Variants in GAB2 observed in about 807,000 individuals in gnomAD.
GAB2 encodes the protein GRB2 associated binding protein 2.
In GAB2, 26 loss-of-function variants were observed where a neutral mutation model predicts 65.5. That is an observed-to-expected ratio of 0.40 (90% CI 0.29 to 0.55). The LOEUF is 0.55. Ranked by LOEUF, GAB2 falls within the 20% of genes least tolerant of loss-of-function variation. The pLI, the probability that GAB2 is intolerant of heterozygous loss-of-function variation, is 0.53. For synonymous variants in GAB2, 321 were observed against 329.6 expected, an observed-to-expected ratio of 0.97 and a Z score of 0.28; for missense variants, 884 against 875.8, an observed-to-expected ratio of 1.01 and a Z score of -0.12.
chr11:78,400,088 G>T (rs900350723), intron 1 of GAB2, among the ~76,000 whole-genome samples: 4 of 152,060 alleles, frequency 2.6e-5, no homozygotes, highest in Admixed American at 6.6e-5. Flanking sequence ...GCATTTACTG[G>T]GAATTATAAA....
intron 1 of GAB2, among the ~76,000 whole-genome samples, chr11:78,375,058 C>A (rs73501000): frequency 0.025 from 3,741 of 152,224 alleles, 123 homozygotes; most frequent in African/African-American, 0.078. Context: ...TTTGTATTTT[C>A]TTTAGAGGCA....
intron 2 of GAB2, among the ~76,000 whole-genome samples, chr11:78,256,631 A>G (rs1865603787): frequency 6.6e-6 from 1 of 152,036 alleles, no homozygotes; most frequent in African/African-American, 2.4e-5. Flanking sequence ...GTGGTCGCTG[A>G]GCTTTAATTC....
intron 2 of GAB2, among the ~76,000 whole-genome samples, chr11:78,250,987 AC>A (rs1303874476): frequency 6.6e-6 from 1 of 152,112 alleles, no homozygotes; most frequent in Non-Finnish European, 1.5e-5. Context: ...GGATTGAACA[AC>A]TACCTATGGG....
intron 2 of GAB2, among the ~76,000 whole-genome samples, chr11:78,260,288 C>T (rs1321132624): frequency 6.6e-6 from 1 of 152,158 alleles, no homozygotes; most frequent in African/African-American, 2.4e-5. Flanking sequence ...TACGATCTCA[C>T]AGTATACATT....
At chr11:78,286,045 G>A (rs1010934158) in intron 1 of GAB2, among the ~76,000 whole-genome samples, 5 of 151,584 alleles carry the variant, frequency 3.3e-5, no homozygotes, top group African/African-American at 1.2e-4. Context: ...TTCCTCCATC[G>A]CTCTTTCCCT....
Position 78,250,407 on chromosome 11 carries a change from A to G in GAB2, c.377-7T>C, listed in dbSNP as rs774425728. On this transcript the variant is annotated splice_polypyrimidine_tract_variant and splice_region_variant and intron_variant, in intron 2 of 9. Coordinates refer to ENST00000361507, the MANE Select transcript of GAB2 (RefSeq NM_080491.3). ...GAAACATTTCTCAGGGAGTCTGAAA[A>G]GGAGAAATAGCTCTGTGAATGAAAA... 4 of 1,611,456 alleles carry G rather than the reference A, an allele frequency of 2.5e-6. No homozygotes were observed. Among genetic ancestry groups the G allele is most frequent in the Non-Finnish European group, 3.4e-6 (4 of 1,177,666 alleles).
Position 78,393,507 on chromosome 11 carries a change from T to C in GAB2, c.75+24139A>G, listed in dbSNP as rs1277079373. ...ATTATCAAGTATTAAAAAATTAAAATGTCTAATATCAAAGAAGAATCAGGG... is the reference window on the plus strand; with the variant it reads ...ATTATCAAGTATTAAAAAATTAAAACGTCTAATATCAAAGAAGAATCAGGG... On this transcript the variant is annotated intron_variant, in intron 1 of 9. Transcript: ENST00000361507. Among the ~76,000 whole-genome samples the C allele has an allele frequency of 2.0e-5, 3 of 152,198 alleles. No homozygotes were observed. In the East Asian group the frequency reaches 5.8e-4, roughly 29 times the overall value.
chr11:78,412,384 G>C (rs1166609107), intron 1 of GAB2, among the ~76,000 whole-genome samples: 2 of 152,110 alleles, frequency 1.3e-5, no homozygotes, highest in Non-Finnish European at 2.9e-5. Context: ...AATCTCCAGA[G>C]AATTATGCTG....
At chr11:78,356,533 T>A (rs1856361642) in intron 1 of GAB2, among the ~76,000 whole-genome samples, 1 of 152,236 alleles carries the variant, frequency 6.6e-6, no homozygotes. Context: ...TCAAATTATG[T>A]TCTTTCTGGT....
intron 1 of GAB2, among the ~76,000 whole-genome samples, chr11:78,303,260 C>T (rs1370758109): frequency 6.6e-6 from 1 of 152,000 alleles, no homozygotes; most frequent in Admixed American, 6.6e-5. Flanking sequence ...CTTTGCCTAC[C>T]CCAAGGTCAA....
At chr11:78,396,857 A>G (rs1009177653) in intron 1 of GAB2, among the ~76,000 whole-genome samples, 1 of 152,216 alleles carries the variant, frequency 6.6e-6, no homozygotes, top group Non-Finnish European at 1.5e-5. Flanking sequence ...TCAGCCTCCC[A>G]AAGTGCTGAG....
At chr11:78,254,074 T>C (rs1313850375) in intron 2 of GAB2, among the ~76,000 whole-genome samples, 1 of 152,188 alleles carries the variant, frequency 6.6e-6, no homozygotes, top group African/African-American at 2.4e-5. Context: ...TGTGACTCAG[T>C]CTATTTAGCT....
chr11:78,410,752 A>T (rs775208801), intron 1 of GAB2, among the ~76,000 whole-genome samples: 2 of 152,212 alleles, frequency 1.3e-5, no homozygotes, highest in Non-Finnish European at 2.9e-5. Context: ...AAGAAATTGG[A>T]TTAAAAATGT....
At chr11:78,401,801 C>G (rs1856977092) in intron 1 of GAB2, among the ~76,000 whole-genome samples, 1 of 151,994 alleles carries the variant, frequency 6.6e-6, no homozygotes, top group African/African-American at 2.4e-5. Context: ...AGTTCTGATC[C>G]AATGTGAATG....
In GAB2 at chr11:78,215,489, G is replaced by GTGAT. The variant is rs1220339283; in HGVS notation, c.*3779_*3782dup. The GTGAT allele has an allele frequency of 3.3e-5, 5 of 152,622 alleles. No homozygotes were observed. Among genetic ancestry groups the GTGAT allele is most frequent in the East Asian group, 1.9e-4 (1 of 5,198 alleles). 9.5% of individuals were successfully genotyped at this position (152,622 alleles called of 1,614,324 possible). On this transcript the variant is annotated 3_prime_UTR_variant, in exon 10 of 10. Transcript: ENST00000361507. The stretch of plus-strand genomic sequence containing the variant: ...ACAACAGAATAAATTAATAACTTAA[G>GTGAT]TGATTAGGCACCAACAGTGATTTGA...
At chr11:78,233,469 G>A (rs1468977624) in intron 3 of GAB2, among the ~76,000 whole-genome samples, 3 of 151,888 alleles carry the variant, frequency 2.0e-5, no homozygotes, top group Non-Finnish European at 4.4e-5. Flanking sequence ...TTTTGTTGAA[G>A]AATCTATTCA....
intron 1 of GAB2, among the ~76,000 whole-genome samples, chr11:78,299,301 A>AC (rs1866926819): frequency 5.3e-5 from 8 of 152,324 alleles, no homozygotes; most frequent in African/African-American, 1.7e-4. Flanking sequence ...CCTCATCTAT[A>AC]ACGTACAAGT....
chr11:78,392,381 A>T (rs1406086628), intron 1 of GAB2: 1 of 152,260 alleles, frequency 6.6e-6, no homozygotes, highest in Non-Finnish European at 1.5e-5. Flanking sequence ...CAGATGCTAC[A>T]ATAGAAAACA....
chr11:78,269,239 C>T (rs1054057988), intron 2 of GAB2, among the ~76,000 whole-genome samples: 2 of 152,104 alleles, frequency 1.3e-5, no homozygotes, highest in Admixed American at 6.5e-5. Flanking sequence ...ATGCATATTA[C>T]CGCCCACATT....
Sources: allele counts gnomAD v4.1 joint callset (sites outside exome capture counted in the v4.1 genomes callset), GRCh38; gene constraint gnomAD v4.1.1; transcripts MANE v1.5; gene names NCBI Gene and HGNC (gene_info 2026-07-23, HGNC 2026-07-21).